ATOSA: variants seen among roughly 807,000 people sequenced by gnomAD.
The protein encoded by ATOSA is atos homolog protein A.
chr15:52,616,048 A>G, the ATOSA span, among the ~76,000 whole-genome samples: 5 of 152,240 alleles, frequency 3.3e-5, no homozygotes, highest in African/African-American at 1.2e-4. Flanking sequence ...ATACATCCCC[A>G]GGTTAAAAAA....
chr15:52,683,243 A>G, the ATOSA span, among the ~76,000 whole-genome samples: 1 of 152,194 alleles, frequency 6.6e-6, no homozygotes, highest in African/African-American at 2.4e-5. Flanking sequence ...GGTGATAACT[A>G]TTTCTCAGAT....
chr15:52,709,793 C>T, the ATOSA span: 3 of 152,534 alleles, frequency 2.0e-5, no homozygotes, highest in South Asian at 4.1e-4. Context: ...ATCTGAAAGT[C>T]TACAGGCAGC....
the ATOSA span, among the ~76,000 whole-genome samples, chr15:52,705,098 C>G: frequency 1.1e-4 from 16 of 152,238 alleles, no homozygotes; most frequent in African/African-American, 3.6e-4. Flanking sequence ...AGACTTGGAA[C>G]CAACCCAAAT....
chr15:52,640,035 G>A, the ATOSA span, among the ~76,000 whole-genome samples: 1 of 151,848 alleles, frequency 6.6e-6, no homozygotes, highest in Non-Finnish European at 1.5e-5. Flanking sequence ...TAGGATTACA[G>A]GTGTGAGCCA....
the ATOSA span, among the ~76,000 whole-genome samples, chr15:52,637,792 C>T: frequency 6.6e-6 from 1 of 152,164 alleles, no homozygotes; most frequent in African/African-American, 2.4e-5. Flanking sequence ...CTCTCTCAGG[C>T]AGACATTTAT....
chr15:52,621,908 G>T, the ATOSA span, among the ~76,000 whole-genome samples: 6 of 150,326 alleles, frequency 4.0e-5, no homozygotes, highest in Non-Finnish European at 8.8e-5. Context: ...GCAGTGCAAT[G>T]ACATGATCTC....
At chr15:52,609,570 T>C in the ATOSA span, 4 of 1,613,362 alleles carry the variant, frequency 2.5e-6, no homozygotes, top group Non-Finnish European at 3.4e-6. Context: ...GAGTTTCTGG[T>C]TTTAGTCGAA....
chr15:52,653,166 A>C, the ATOSA span, among the ~76,000 whole-genome samples: 1 of 152,142 alleles, frequency 6.6e-6, no homozygotes, highest in African/African-American at 2.4e-5. Flanking sequence ...CATGCCGTTT[A>C]TTACTCAGAT....
At chr15:52,586,064 C>T in the ATOSA span, 2 of 152,176 alleles carry the variant, frequency 1.3e-5, no homozygotes, top group African/African-American at 4.8e-5. Flanking sequence ...GAATGTGTTA[C>T]CTCCGAGTTT....
At chr15:52,612,694 G>A in the ATOSA span, among the ~76,000 whole-genome samples, 2 of 151,482 alleles carry the variant, frequency 1.3e-5, no homozygotes, top group African/African-American at 4.9e-5. Context: ...TAGTAGAGAT[G>A]AGGTTTCACT....
chr15:52,588,595 C>T, the ATOSA span, among the ~76,000 whole-genome samples: 1 of 152,100 alleles, frequency 6.6e-6, no homozygotes. Flanking sequence ...CTCACCACCA[C>T]GCCCAGCTAA....
At chr15:52,630,205 A>G in the ATOSA span, among the ~76,000 whole-genome samples, 1 of 152,168 alleles carries the variant, frequency 6.6e-6, no homozygotes, top group African/African-American at 2.4e-5. Context: ...ATTTCTAAAA[A>G]CTAATGTTCT....
At chr15:52,596,440 CG>C in the ATOSA span, among the ~76,000 whole-genome samples, 2 of 152,132 alleles carry the variant, frequency 1.3e-5, no homozygotes, top group African/African-American at 4.8e-5. Flanking sequence ...CATCCATATG[CG>C]TAAAAGGGAA....
At chr15:52,685,209 T>A in the ATOSA span, among the ~76,000 whole-genome samples, 1 of 152,188 alleles carries the variant, frequency 6.6e-6, no homozygotes, top group Non-Finnish European at 1.5e-5. Context: ...CGGTGCAAAT[T>A]CTGTGCTTAG....
the ATOSA span, among the ~76,000 whole-genome samples, chr15:52,696,158 A>G: frequency 6.6e-6 from 1 of 152,094 alleles, no homozygotes; most frequent in Admixed American, 6.5e-5. Context: ...AAACTAACTA[A>G]TGGTAGGCTA....
At chr15:52,655,346 T>C in the ATOSA span, among the ~76,000 whole-genome samples, 2 of 152,126 alleles carry the variant, frequency 1.3e-5, no homozygotes, top group African/African-American at 4.8e-5. Context: ...GCTTGTAACA[T>C]GGAAAAATAG....
the ATOSA span, chr15:52,590,544 T>C: frequency 2.6e-5 from 4 of 152,258 alleles, no homozygotes; most frequent in East Asian, 5.8e-4. Flanking sequence ...GTATAATCTG[T>C]GATAAGAGGT....
the ATOSA span, chr15:52,610,005 G>T: frequency 6.2e-7 from 1 of 1,613,802 alleles, no homozygotes; most frequent in East Asian, 2.2e-5. Flanking sequence ...TACTGCCAGT[G>T]CCTGGATATA....
At chr15:52,653,967 A>G in the ATOSA span, among the ~76,000 whole-genome samples, 72 of 152,228 alleles carry the variant, frequency 4.7e-4, 1 homozygote, top group South Asian at 1.0e-3. Context: ...AGTTAGATCT[A>G]AAATTTACAA....
Sources: gnomAD v4.1 joint callset for allele counts (sites outside exome capture counted in the v4.1 genomes callset) on GRCh38, gnomAD v4.1.1 for gene constraint, MANE v1.5 for transcripts, NCBI Gene and HGNC (gene_info 2026-07-23, HGNC 2026-07-21) for gene names.